Variants in ACSL6 observed in about 807,000 individuals in gnomAD.
The protein encoded by ACSL6 is acyl-CoA synthetase long chain family member 6.
Under a neutral mutation model 98.2 loss-of-function variants are expected in ACSL6, and 47 were observed. The ratio of observed to expected loss-of-function variants is 0.48; its 90% confidence interval spans 0.38 to 0.61. The LOEUF is 0.61. Among genes scored for constraint, ACSL6 ranks in the 20% least tolerant of loss-of-function variants. The probability of loss-of-function intolerance (pLI) is 0.00; values close to 1 mark genes in which losing one functional copy is unlikely to be tolerated. For synonymous variants in ACSL6, 362 were observed against 336.9 expected, an observed-to-expected ratio of 1.07 and a Z score of -0.82; for missense variants, 761 against 913.4, an observed-to-expected ratio of 0.83 and a Z score of 2.15.
intron 9 of ACSL6, among the ~76,000 whole-genome samples, chr5:131,979,630 C>T (rs1753793255): frequency 6.6e-6 from 1 of 152,216 alleles, no homozygotes; most frequent in South Asian, 2.1e-4. Flanking sequence ...CATTCCCAGA[C>T]ATGCCCAAAT....
At chr5:131,956,025 G>A (rs1222437815) in intron 20 of ACSL6, among the ~76,000 whole-genome samples, 2 of 152,112 alleles carry the variant, frequency 1.3e-5, no homozygotes, top group African/African-American at 2.4e-5. Context: ...AGATACAAAT[G>A]CCAAGATGTA....
At chr5:131,961,764 A>G (rs12109936) in intron 18 of ACSL6, among the ~76,000 whole-genome samples, 4,058 of 152,264 alleles carry the variant, frequency 0.027, 192 homozygotes, top group African/African-American at 0.092. Context: ...TGAAAGGAAA[A>G]TAAGTATAAA....
At chr5:132,004,629 C>G (rs1207973830) in intron 1 of ACSL6, among the ~76,000 whole-genome samples, 1 of 152,178 alleles carries the variant, frequency 6.6e-6, no homozygotes, top group Admixed American at 6.5e-5. Context: ...GGAGCAGAAG[C>G]AGGAGACAGA....
chr5:131,964,279 T>C (rs1752892848), intron 17 of ACSL6, among the ~76,000 whole-genome samples: 1 of 152,208 alleles, frequency 6.6e-6, no homozygotes, highest in African/African-American at 2.4e-5. Context: ...TTAGGAAAAA[T>C]ATTATTTAAA....
intron 9 of ACSL6, chr5:131,982,205 G>A (rs1446927081): frequency 7.2e-6 from 1 of 139,710 alleles, no homozygotes; most frequent in African/African-American, 2.7e-5. Context: ...GTGCAGTGGC[G>A]GGATCTCGGC....
intron 5 of ACSL6, among the ~76,000 whole-genome samples, 189 bp downstream of exon 5, chr5:131,989,218 G>C (rs907041767): frequency 6.6e-6 from 1 of 152,050 alleles, no homozygotes; most frequent in Non-Finnish European, 1.5e-5. Flanking sequence ...GGTGTGGATG[G>C]AGCATGGCTG....
intron 3 of ACSL6, 41 bp from the exon 4 acceptor site, chr5:131,990,205 G>C: frequency 6.2e-7 from 1 of 1,602,414 alleles, no homozygotes; most frequent in Non-Finnish European, 8.5e-7. Context: ...AGAGGGGTCA[G>C]AGTGGGTGTG....
rs1446101104 is a variant in ACSL6, at chr5:131,988,429, A to T, written c.653-203T>A. 3 of 1,351,236 alleles carry T rather than the reference A, an allele frequency of 2.2e-6. No homozygotes were observed. The African/African-American group carries it at 4.3e-5, about 19-fold the overall frequency. 83.7% of individuals were successfully genotyped at this position (1,351,236 alleles called of 1,614,324 possible). A position where few individuals can be genotyped will look rare whatever the true frequency, so the allele number is the denominator to read the frequency against. On this transcript the variant is annotated intron_variant, in intron 6 of 20. Transcript: ENST00000651883. ...CGGAACCAAGGGCAGAAGGCCATGG[A>T]ACCTCCTCAAGCAGAGTCCAAGCTC...
chr5:131,974,795 TA>T, intron 11 of ACSL6, 97 bp downstream of exon 11: 1 of 1,612,612 alleles, frequency 6.2e-7, no homozygotes, highest in African/African-American at 1.3e-5. Context: ...TAAAGGCAAA[TA>T]GGAAATGTGC....
Position 132,000,069 on chromosome 5 carries a change from C to T in ACSL6, c.50-5818G>A, listed in dbSNP as rs550111424. On this transcript the variant is annotated intron_variant, in intron 1 of 20. Transcript: ENST00000651883. ...GGATGGGGATGCTAGCTCTCTGGCA[C>T]TGAGGGCGACTGTACCATCTACCCG... 3.3e-5 allele frequency among the ~76,000 whole-genome samples: 5 copies of T among 152,152 alleles called. No individual in the cohort carries two copies. The South Asian group carries it at 1.0e-3, about 32-fold the overall frequency.
At chr5:131,991,481 T>C (rs1166311657) in intron 2 of ACSL6, among the ~76,000 whole-genome samples, 1 of 152,176 alleles carries the variant, frequency 6.6e-6, no homozygotes, top group African/African-American at 2.4e-5. Flanking sequence ...TAGAGGACTG[T>C]GCTGAAGGTT....
At chr5:131,963,199 A>G (rs1207851179) in intron 17 of ACSL6, among the ~76,000 whole-genome samples, 1 of 152,126 alleles carries the variant, frequency 6.6e-6, no homozygotes, top group East Asian at 1.9e-4. Context: ...CTCCTACCTG[A>G]CATGCCAGAT....
At chr5:131,965,546 C>G (rs983317920) in intron 17 of ACSL6, among the ~76,000 whole-genome samples, 1 of 152,012 alleles carries the variant, frequency 6.6e-6, no homozygotes, top group Non-Finnish European at 1.5e-5. Context: ...GTGTTGAAAC[C>G]CTGTTTCTAT....
intron 16 of ACSL6, among the ~76,000 whole-genome samples, chr5:131,967,699 T>TAATAATAATAA (rs5871437): frequency 1.3e-4 from 15 of 119,680 alleles, no homozygotes; most frequent in Non-Finnish European, 2.2e-4. Context: ...ATAATAATAA[T>TAATAATAATAA]TAATTAATTT....
At chr5:131,981,322 TAA>T (rs56950797) in intron 9 of ACSL6, among the ~76,000 whole-genome samples, 1,496 of 95,198 alleles carry the variant, frequency 0.016, 23 homozygotes, top group African/African-American at 0.058. Flanking sequence ...AGTCAACTAT[TAA>T]AAAAAAAAAA....
At chr5:131,955,584 G>C (rs1752361909) in intron 20 of ACSL6, among the ~76,000 whole-genome samples, 1 of 152,168 alleles carries the variant, frequency 6.6e-6, no homozygotes, top group Admixed American at 6.5e-5. Flanking sequence ...AAAGGAAATG[G>C]AGAAGGGTGG....
intron 9 of ACSL6, among the ~76,000 whole-genome samples, chr5:131,976,943 G>A (rs1753654011): frequency 6.6e-6 from 1 of 152,228 alleles, no homozygotes; most frequent in South Asian, 2.1e-4. Flanking sequence ...GGGACCAGGA[G>A]GCAGGTGATA....
At position 131,950,009 on chromosome 5, in the gene ACSL6, T is replaced by C. The variant is rs1752080049; in HGVS notation, c.*4225A>G. On this transcript the variant is annotated 3_prime_UTR_variant, in exon 21 of 21. Transcript: ENST00000651883. ...AAAAATCTTTTATTTTTTACAAAAA[T>C]TTTCATAAATGCATTTTATATTTAA... 5.7e-6 allele frequency: 1 copy of C among 174,566 alleles called. No homozygotes were observed. Among genetic ancestry groups the C allele is most frequent in the African/African-American group, 2.4e-5 (1 of 42,164 alleles). 10.8% of individuals were successfully genotyped at this position (174,566 alleles called of 1,614,324 possible).
chr5:131,980,454 A>G (rs1753830937), intron 9 of ACSL6, among the ~76,000 whole-genome samples: 1 of 152,204 alleles, frequency 6.6e-6, no homozygotes. Context: ...CAGGTCTTGA[A>G]CCAAATAGCA....
Sources: allele counts gnomAD v4.1 joint callset (sites outside exome capture counted in the v4.1 genomes callset), GRCh38; gene constraint gnomAD v4.1.1; transcripts MANE v1.5; gene names NCBI Gene and HGNC (gene_info 2026-07-23, HGNC 2026-07-21).